The following BTG4 variants were observed in gnomAD, a reference collection of about 807,000 sequenced individuals.
BTG4 encodes the protein protein BTG4.
BTG4 carries 10 observed loss-of-function variants against 19.3 expected under a neutral mutation model. The ratio of observed to expected loss-of-function variants is 0.52; its 90% CI spans 0.32 to 0.88. The LOEUF (loss-of-function observed/expected upper bound fraction) is 0.88. BTG4 is among the 40% of genes least tolerant of loss of function. The pLI is 0.04. For missense variants in BTG4, 238 were observed against 281.9 expected, an observed-to-expected ratio of 0.84 and a Z score of 1.11; for synonymous variants, 91 against 95.7, an observed-to-expected ratio of 0.95 and a Z score of 0.29.
intron 5 of BTG4, among the ~76,000 whole-genome samples, chr11:111,472,306 A>G (rs1009950053): frequency 9.9e-5 from 15 of 152,142 alleles, no homozygotes; most frequent in African/African-American, 3.6e-4. Context: ...CACTAGGGAC[A>G]CTTCTCTCGA....
intron 5 of BTG4, among the ~76,000 whole-genome samples, chr11:111,488,028 C>T (rs187373384): frequency 6.6e-6 from 1 of 152,172 alleles, no homozygotes; most frequent in South Asian, 2.1e-4. Context: ...GTCCATGGTA[C>T]CCAAAGCAGT....
At chr11:111,439,505 C>T in the BTG4 span, among the ~76,000 whole-genome samples, 2 of 151,960 alleles carry the variant, frequency 1.3e-5, no homozygotes, top group African/African-American at 4.8e-5. Context: ...ACTCTCGGTG[C>T]CCCCCACCGC....
At chr11:111,396,080 G>A in the BTG4 span, among the ~76,000 whole-genome samples, 1 of 152,172 alleles carries the variant, frequency 6.6e-6, no homozygotes, top group Non-Finnish European at 1.5e-5. Context: ...ATGGTGGCAG[G>A]TGGCCATCAA....
chr11:111,397,312 C>A, the BTG4 span, among the ~76,000 whole-genome samples: 1 of 152,192 alleles, frequency 6.6e-6, no homozygotes, highest in African/African-American at 2.4e-5. Flanking sequence ...AATCCTTCAT[C>A]TAACTTCCTA....
chr11:111,414,000 T>C, the BTG4 span, among the ~76,000 whole-genome samples: 1 of 152,220 alleles, frequency 6.6e-6, no homozygotes, highest in Non-Finnish European at 1.5e-5. Flanking sequence ...AGTGGTGTGT[T>C]ACCCTTCTGA....
At chr11:111,426,917 G>A in the BTG4 span, among the ~76,000 whole-genome samples, 3 of 152,230 alleles carry the variant, frequency 2.0e-5, no homozygotes, top group East Asian at 1.9e-4. Context: ...GCTCACCAGC[G>A]CCATCAGAAC....
At chr11:111,499,237 T>C (rs1865920123) in intron 1 of BTG4, among the ~76,000 whole-genome samples, 1 of 152,190 alleles carries the variant, frequency 6.6e-6, no homozygotes, top group Non-Finnish European at 1.5e-5. Context: ...ACATTATACT[T>C]GCCAACAAAA....
chr11:111,424,736 TC>T, the BTG4 span, among the ~76,000 whole-genome samples: 1 of 152,192 alleles, frequency 6.6e-6, no homozygotes, highest in Non-Finnish European at 1.5e-5. Flanking sequence ...GGTGGGTAGA[TC>T]ACCTGAGGTC....
chr11:111,509,140 C>T (rs1166163795), intron 1 of BTG4, among the ~76,000 whole-genome samples: 1 of 152,010 alleles, frequency 6.6e-6, no homozygotes, highest in Non-Finnish European at 1.5e-5. Context: ...AATGAGAGTA[C>T]AATGAAATGA....
the BTG4 span, among the ~76,000 whole-genome samples, chr11:111,438,799 G>C: frequency 5.9e-5 from 9 of 152,172 alleles, no homozygotes; most frequent in African/African-American, 2.2e-4. Flanking sequence ...GCTAAAGAAG[G>C]CGTGATGTGG....
the BTG4 span, among the ~76,000 whole-genome samples, chr11:111,424,642 A>ACTTAGCGCC: frequency 6.6e-6 from 1 of 152,234 alleles, no homozygotes; most frequent in Non-Finnish European, 1.5e-5. Flanking sequence ...ATTTACGGTC[A>ACTTAGCGCC]CTTAAGCATT....
At chr11:111,414,164 T>A in the BTG4 span, 21 of 152,236 alleles carry the variant, frequency 1.4e-4, no homozygotes, top group African/African-American at 5.1e-4. Flanking sequence ...TATTGGTGAT[T>A]GGTTTAATGA....
chr11:111,511,831 T>C (rs1275666105), intron 1 of BTG4, among the ~76,000 whole-genome samples: 1 of 152,236 alleles, frequency 6.6e-6, no homozygotes, highest in African/African-American at 2.4e-5. Context: ...GGAACCTTCT[T>C]TGACCTATTA....
chr11:111,470,422 T>C (rs1356817556), intron 5 of BTG4, among the ~76,000 whole-genome samples: 1 of 152,122 alleles, frequency 6.6e-6, no homozygotes, highest in African/African-American at 2.4e-5. Context: ...GGGCAGACAG[T>C]AGTTACATGA....
chr11:111,406,428 A>G, the BTG4 span, among the ~76,000 whole-genome samples: 3 of 152,136 alleles, frequency 2.0e-5, no homozygotes, highest in Admixed American at 1.3e-4. Flanking sequence ...GCTGACCACC[A>G]CATAGCTGAG....
At chr11:111,394,868 G>T in the BTG4 span, among the ~76,000 whole-genome samples, 6 of 152,322 alleles carry the variant, frequency 3.9e-5, no homozygotes, top group Admixed American at 2.6e-4. Context: ...AGTCTCAGTA[G>T]AGTGGAAAAG....
chr11:111,420,484 G>A, the BTG4 span, among the ~76,000 whole-genome samples: 1 of 152,220 alleles, frequency 6.6e-6, no homozygotes, highest in Non-Finnish European at 1.5e-5. Flanking sequence ...GTAGGGTGTG[G>A]ACTCTGCCTT....
At chr11:111,442,511 T>TATACACACAC in the BTG4 span, among the ~76,000 whole-genome samples, 11 of 48,156 alleles carry the variant, frequency 2.3e-4, no homozygotes, top group African/African-American at 3.8e-4. Context: ...AAAAAATGTA[T>TATACACACAC]ACACACACAC....
chr11:111,425,781 C>T, the BTG4 span, among the ~76,000 whole-genome samples: 475 of 152,300 alleles, frequency 3.1e-3, 3 homozygotes, highest in African/African-American at 0.011. Context: ...CCTATAATCG[C>T]AGCTCTTTGG....
Sources: allele counts gnomAD v4.1 joint callset (sites outside exome capture counted in the v4.1 genomes callset), GRCh38; gene constraint gnomAD v4.1.1; transcripts MANE v1.5; gene names NCBI Gene and HGNC (gene_info 2026-07-23, HGNC 2026-07-21).